The following SPATA31H1 variants were observed in gnomAD, a reference collection of about 807,000 sequenced individuals.
SPATA31H1 encodes the protein spermatogenesis-associated protein 31H1.
chr2:27,574,026 C>T, the SPATA31H1 span: 1 of 398,302 alleles, frequency 2.5e-6, no homozygotes, highest in Non-Finnish European at 4.4e-6. Flanking sequence ...AGAGTTAAAC[C>T]CCAGTTCACA....
chr2:27,566,422 G>A, the SPATA31H1 span: 2 of 712,722 alleles, frequency 2.8e-6, no homozygotes, highest in Non-Finnish European at 5.2e-6. Context: ...ATTGAAGGTG[G>A]TAGAGGTTTT....
At chr2:27,553,729 C>T in the SPATA31H1 span, among the ~76,000 whole-genome samples, 2 of 151,444 alleles carry the variant, frequency 1.3e-5, no homozygotes, top group Non-Finnish European at 2.9e-5. Flanking sequence ...CGAGACCAGC[C>T]TGGCCAACAT....
At chr2:27,550,831 CTG>C in the SPATA31H1 span, among the ~76,000 whole-genome samples, 2 of 151,890 alleles carry the variant, frequency 1.3e-5, 1 homozygote, top group Non-Finnish European at 2.9e-5. Flanking sequence ...AACAAAACAA[CTG>C]TGAATTCTTG....
chr2:27,580,845 G>A, the SPATA31H1 span: 1 of 1,614,114 alleles, frequency 6.2e-7, no homozygotes, highest in South Asian at 1.1e-5. Flanking sequence ...CATTAAGCAG[G>A]AGGACATATT....
the SPATA31H1 span, chr2:27,569,839 G>C: frequency 2.5e-6 from 1 of 398,814 alleles, no homozygotes. Context: ...TTGACCTCAG[G>C]GCCACAGTTG....
chr2:27,572,920 A>T, the SPATA31H1 span: 1 of 398,142 alleles, frequency 2.5e-6, no homozygotes, highest in Non-Finnish European at 4.4e-6. Flanking sequence ...CAAAAAGGGA[A>T]AATTCCAGCA....
the SPATA31H1 span, chr2:27,578,309 A>G: frequency 2.5e-6 from 4 of 1,614,212 alleles, no homozygotes; most frequent in Non-Finnish European, 3.4e-6. Flanking sequence ...TTTTGGAAAC[A>G]GTGGAGTTGA....
the SPATA31H1 span, among the ~76,000 whole-genome samples, chr2:27,559,187 T>C: frequency 6.6e-6 from 1 of 152,134 alleles, no homozygotes; most frequent in Non-Finnish European, 1.5e-5. Flanking sequence ...AGTAGCGATA[T>C]TTTTGCTTCT....
At chr2:27,550,486 T>G in the SPATA31H1 span, among the ~76,000 whole-genome samples, 2 of 146,972 alleles carry the variant, frequency 1.4e-5, no homozygotes, top group East Asian at 4.1e-4. Flanking sequence ...TGGTGCAATC[T>G]CTGCTCACTG....
chr2:27,575,172 A>G, the SPATA31H1 span: 24 of 398,436 alleles, frequency 6.0e-5, no homozygotes, highest in Non-Finnish European at 8.4e-5. This position sits in a 1 kb window ranked among gnomAD's most constrained non-coding sequence, Gnocchi z 4.1. Flanking sequence ...GGTGAACTCT[A>G]CAGAAGGCAA....
the SPATA31H1 span, chr2:27,582,206 C>T: frequency 1.2e-6 from 2 of 1,614,056 alleles, no homozygotes; most frequent in South Asian, 1.1e-5. Context: ...AAACCTGTCA[C>T]AGTCCCTCTG....
At chr2:27,562,985 CTA>C in the SPATA31H1 span, among the ~76,000 whole-genome samples, 1 of 151,550 alleles carries the variant, frequency 6.6e-6, no homozygotes, top group Non-Finnish European at 1.5e-5. Flanking sequence ...AGATCATCTT[CTA>C]TGTTTTTTTT....
chr2:27,571,436 C>A, the SPATA31H1 span: 1 of 398,288 alleles, frequency 2.5e-6, no homozygotes, highest in Non-Finnish European at 4.4e-6. Context: ...TGGAATTCAC[C>A]CCTGATTCTG....
chr2:27,578,061 C>T, the SPATA31H1 span: 4 of 1,614,110 alleles, frequency 2.5e-6, no homozygotes, highest in Non-Finnish European at 3.4e-6. Flanking sequence ...TCAAGTTGCT[C>T]AATCTGAAGA....
At chr2:27,582,370 G>A in the SPATA31H1 span, 5 of 1,614,074 alleles carry the variant, frequency 3.1e-6, no homozygotes, top group African/African-American at 2.7e-5. Context: ...GAGAGGAGCC[G>A]ACGCAGTCCC....
the SPATA31H1 span, chr2:27,578,938 C>T: frequency 8.1e-6 from 13 of 1,614,026 alleles, no homozygotes; most frequent in African/African-American, 1.3e-4. Flanking sequence ...ATGATACAAT[C>T]TTTAACTTTT....
chr2:27,576,467 A>G, the SPATA31H1 span: 1 of 844,320 alleles, frequency 1.2e-6, no homozygotes, highest in Non-Finnish European at 1.8e-6. Context: ...CTCTATGGCC[A>G]CAACCTCAAA....
the SPATA31H1 span, chr2:27,573,669 G>A: frequency 2.5e-6 from 1 of 398,374 alleles, no homozygotes; most frequent in Non-Finnish European, 4.4e-6. Context: ...CTCGCAAGAT[G>A]TGAAATCTTC....
At chr2:27,548,700 G>T in the SPATA31H1 span, among the ~76,000 whole-genome samples, 3 of 150,752 alleles carry the variant, frequency 2.0e-5, no homozygotes, top group Non-Finnish European at 4.4e-5. Flanking sequence ...AAATGGATTT[G>T]TGAGTCTCTT....
Sources: gnomAD v4.1 joint callset for allele counts (sites outside exome capture counted in the v4.1 genomes callset) on GRCh38, gnomAD v4.1.1 for gene constraint, Gnocchi (gnomAD v3.1) non-coding constraint, MANE v1.5 for transcripts, NCBI Gene and HGNC (gene_info 2026-07-23, HGNC 2026-07-21) for gene names.